The following BRAT1 variants were observed in gnomAD, a reference collection of about 807,000 sequenced individuals.
BRAT1 encodes integrator complex assembly factor BRAT1.
In BRAT1, 74 loss-of-function variants were observed where a neutral mutation model predicts 70.6. The ratio of observed to expected loss-of-function variants is 1.05; its 90% CI spans 0.87 to 1.27. BRAT1 has a LOEUF of 1.27. Ranked by LOEUF, BRAT1 falls within the 50% of genes most tolerant of loss-of-function variation. The probability of loss-of-function intolerance (pLI) is 0.00; values close to 1 mark genes in which losing one functional copy is unlikely to be tolerated. For missense variants in BRAT1, 1,203 were observed against 1,098.2 expected (o/e 1.10, Z -1.35); for synonymous variants, 615 against 517.1 (o/e 1.19, Z -2.57).
At chr7:2,544,803 C>G in intron 4 of BRAT1, 106 bp downstream of exon 4, 2 of 1,460,068 alleles carry the variant, frequency 1.4e-6, no homozygotes, top group Non-Finnish European at 1.8e-6. Flanking sequence ...TTGCAACAAC[C>G]CTGAGACATC....
At chr7:2,539,470 G>A (rs1778971483) in intron 12 of BRAT1, 74 bp downstream of exon 12, 7 of 1,500,038 alleles carry the variant, frequency 4.7e-6, no homozygotes, top group Non-Finnish European at 5.4e-6. Context: ...GCCAGCAAGA[G>A]GCTGCTGGTG....
intron 2 of BRAT1, among the ~76,000 whole-genome samples, chr7:2,549,174 C>T (rs750820353): frequency 3.9e-5 from 6 of 152,052 alleles, no homozygotes; most frequent in African/African-American, 7.2e-5. Context: ...TTAAAAAATC[C>T]GGTTCTCATG....
At chr7:2,538,926 C>T in intron 13 of BRAT1, 162 bp from the exon 14 acceptor site, 1 of 1,456,994 alleles carries the variant, frequency 6.9e-7, no homozygotes. Context: ...CACGGCCCTC[C>T]AATCCTCAGT....
chr7:2,547,208 C>T lies in BRAT1; in HGVS notation c.282+116G>A, dbSNP rs114936732. 2.1e-3 allele frequency: 2,831 copies of T among 1,336,186 alleles called. 54 individuals are homozygous for T. The African/African-American group carries it at 0.034, about 16-fold the overall frequency. The allele number at this position is 1,336,186 out of a possible 1,614,324, so 82.8% of individuals were successfully genotyped here. On this transcript the variant is annotated intron_variant, in intron 3 of 13. Coordinates refer to ENST00000340611, the MANE Select transcript of BRAT1 (RefSeq NM_152743.4). Reference sequence around the variant, plus strand: ...TGCAGTTCTAGTGAGGACACAGGGTCGGGGCAGGCCGCTGGGACTTGGGAT... The same window carrying T: ...TGCAGTTCTAGTGAGGACACAGGGTTGGGGCAGGCCGCTGGGACTTGGGAT...
At chr7:2,554,494 C>G in intron 1 of BRAT1, 47 bp from the exon 2 acceptor site, 1 of 1,559,554 alleles carries the variant, frequency 6.4e-7, no homozygotes, top group Non-Finnish European at 8.7e-7. Flanking sequence ...ACTCCAGACC[C>G]AGCTCGCTCT....
Position 2,538,044 on chromosome 7 carries a change from C to T in BRAT1, c.*25G>A, listed in dbSNP as rs1251782687. 6.6e-7 allele frequency: 1 copy of T among 1,523,264 alleles called. No homozygotes were observed. Among genetic ancestry groups the T allele is most frequent in the South Asian group, 1.3e-5 (1 of 76,312 alleles). 94.4% of individuals were successfully genotyped at this position (1,523,264 alleles called of 1,614,324 possible). A position where few individuals can be genotyped will look rare whatever the true frequency, so the allele number is the denominator to read the frequency against. ...TGGTGCTGCCTCCCTTGGTCCTGAG[C>T]CCCAGTGGCAGACTCTGGTTCTGCT... On this transcript the variant is annotated 3_prime_UTR_variant, in exon 14 of 14. Transcript: ENST00000340611.
chr7:2,543,973 G>A lies in BRAT1; in HGVS notation c.431-11C>T. On this transcript the variant is annotated splice_polypyrimidine_tract_variant and intron_variant, in intron 4 of 13. Transcript: ENST00000340611. This position sits in a 1 kb window ranked among gnomAD's most constrained non-coding sequence, Gnocchi z 5.5. Reference sequence around the variant, plus strand: ...TGGTGTCGACCGCACCTGGGTAGGGGATGGGGGAAGAGAGGGAAAAGGGGG... The same window carrying A: ...TGGTGTCGACCGCACCTGGGTAGGGAATGGGGGAAGAGAGGGAAAAGGGGG... The A allele has an allele frequency of 2.6e-6, 4 of 1,547,852 alleles. No homozygotes were observed. Among genetic ancestry groups the A allele is most frequent in the Non-Finnish European group, 3.5e-6 (4 of 1,140,712 alleles).
intron 2 of BRAT1, among the ~76,000 whole-genome samples, chr7:2,553,587 G>A (rs1435108697): frequency 6.6e-6 from 1 of 151,662 alleles, no homozygotes; most frequent in Non-Finnish European, 1.5e-5. Context: ...AAATTAAAAC[G>A]TTGATGGTTT....
At position 2,539,614 on chromosome 7, in the gene BRAT1, C is replaced by A. The variant is rs763100774; in HGVS notation, c.1527G>T (p.Leu509=). 1.3e-6 allele frequency: 2 copies of A among 1,594,396 alleles called. No homozygotes were observed. Among genetic ancestry groups the A allele is most frequent in the Admixed American group, 1.7e-5 (1 of 57,734 alleles). The change falls in exon 12 of 14, where the codon CTG becomes CTT. Residue 509 remains leucine (L), a synonymous_variant. Coordinates refer to ENST00000340611, the MANE Select transcript of BRAT1 (RefSeq NM_152743.4). The stretch of plus-strand genomic sequence containing the variant: ...CCCTCACCTCCCAGCAGGGGTGGCA[C>A]AGGCGTTTCTGCAGCACAGGGAACA... ...RELFPVLQKR[L]CHPCWEVRDS...
In BRAT1 at chr7:2,538,559, A is replaced by T. The variant is rs1778872784; in HGVS notation, c.1976T>A (p.Leu659His). The change falls in exon 14 of 14, where the codon CTC becomes CAC. Residue 659 changes from leucine (L) to histidine (H), a missense_variant. Leu to His is a moderately conservative substitution (Grantham distance 99). Transcript: ENST00000340611. Reference sequence around the variant, plus strand: ...CCCCAAAGTCTGGCCCAGGAACACGAGGGCCAGCTCCAGGCCCTGGGCGCG... The same window carrying T: ...CCCCAAAGTCTGGCCCAGGAACACGTGGGCCAGCTCCAGGCCCTGGGCGCG... ...EVRAQGLELA[L>H]VFLGQTLGPP... is the part of the protein sequence containing the mutation. The T allele has an allele frequency of 6.2e-7, 1 of 1,600,498 alleles. No homozygotes were observed. The highest frequency in any genetic ancestry group is 8.5e-7 in the Non-Finnish European group (1 of 1,177,890).
At position 2,541,066 on chromosome 7, in the gene BRAT1, G is replaced by A; in HGVS notation, c.1322-14C>T. ...GCTCCTGGGGGCCTGAGACAGAGGTGAGTGGATAAACCACCCCCACCCCCA... is the reference window on the plus strand; with the variant it reads ...GCTCCTGGGGGCCTGAGACAGAGGTAAGTGGATAAACCACCCCCACCCCCA... On this transcript the variant is annotated splice_polypyrimidine_tract_variant and intron_variant, in intron 9 of 13. Coordinates refer to ENST00000340611, the MANE Select transcript of BRAT1 (RefSeq NM_152743.4). 1.3e-6 allele frequency: 2 copies of A among 1,556,950 alleles called. No individual in the cohort carries two copies. The highest frequency in any genetic ancestry group is 1.7e-6 in the Non-Finnish European group (2 of 1,160,816).
intron 10 of BRAT1, chr7:2,540,671 G>C (rs892891427): frequency 6.6e-5 from 22 of 333,316 alleles, no homozygotes; most frequent in Middle Eastern, 7.9e-4. Context: ...AGAACCCAAA[G>C]CCCACGCCCA....
chr7:2,550,303 C>T (rs1043089311), intron 2 of BRAT1, among the ~76,000 whole-genome samples: 10 of 151,108 alleles, frequency 6.6e-5, no homozygotes, highest in African/African-American at 2.4e-4. Flanking sequence ...CCCGTCACTA[C>T]AAAAAATACA....
rs1229211049 is a variant in BRAT1 at position 2,538,776 on chromosome 7, G to A, written c.1771-12C>T. 6.3e-7 allele frequency: 1 copy of A among 1,597,942 alleles called. No homozygotes were observed. Among genetic ancestry groups the A allele is most frequent in the African/African-American group, 1.3e-5 (1 of 74,940 alleles). Reference sequence around the variant, plus strand: ...TCCAGGAACAGGCTCTGGGGGACAGGGAGCAAGTGCGGATGGTTGGTGGGG... The same window carrying A: ...TCCAGGAACAGGCTCTGGGGGACAGAGAGCAAGTGCGGATGGTTGGTGGGG... On this transcript the variant is annotated splice_polypyrimidine_tract_variant and intron_variant, in intron 13 of 13. Coordinates refer to ENST00000340611, the MANE Select transcript of BRAT1 (RefSeq NM_152743.4).
Position 2,539,321 on chromosome 7 carries a change from G to C in BRAT1, c.1628C>G (p.Ala543Gly). Residue 543 changes from alanine (A) to glycine (G), a missense_variant, in exon 13 of 14, where the codon GCT (alanine) becomes GGT (glycine). Ala to Gly is a moderately conservative substitution (Grantham distance 60). Coordinates refer to ENST00000340611, the MANE Select transcript of BRAT1 (RefSeq NM_152743.4). ...GQADFRCALL[A>G]SEVPQLALQL... ...CAGGGCCAGCTGAGGCACCTCTGAA[G>C]CCAAGAGTGCGCATCTGAAGTCAGC... is the stretch of plus-strand genomic sequence containing the variant. The C allele has an allele frequency of 6.2e-7, 1 of 1,611,588 alleles. No individual in the cohort carries two copies. The highest frequency in any genetic ancestry group is 1.1e-5 in the South Asian group (1 of 91,006).
Position 2,541,762 on chromosome 7 carries a change from G to A in BRAT1, c.1090C>T (p.Leu364Phe). ...LLASKSSCAG[L>F]LCRTLAHLEE... is the part of the protein sequence containing the mutation. ...AGGTGAGCCAGGGTGCGGCACAGGAGGCCGGCGCAGGACGACTTGGAGGCC... is the reference window on the plus strand; with the variant it reads ...AGGTGAGCCAGGGTGCGGCACAGGAAGCCGGCGCAGGACGACTTGGAGGCC... The change falls in exon 8 of 14, where the codon CTC becomes TTC. Residue 364 changes from leucine to phenylalanine, a missense_variant. Leu to Phe is a conservative substitution (Grantham distance 22). Coordinates refer to ENST00000340611, the MANE Select transcript of BRAT1 (RefSeq NM_152743.4). 1 of 1,612,168 alleles carries A rather than the reference G, an allele frequency of 6.2e-7. No individual in the cohort carries two copies. The highest frequency in any genetic ancestry group is 8.5e-7 in the Non-Finnish European group (1 of 1,179,734).
intron 2 of BRAT1, among the ~76,000 whole-genome samples, chr7:2,552,538 C>T (rs1223371503): frequency 6.7e-6 from 1 of 150,172 alleles, no homozygotes; most frequent in Non-Finnish European, 1.5e-5. Context: ...ACAGCTTGGG[C>T]AATACGGTGA....
chr7:2,543,351 T>C lies in BRAT1; in HGVS notation c.804-28A>G. On this transcript the variant is annotated intron_variant, in intron 5 of 13. Transcript: ENST00000340611. This position sits in a 1 kb window ranked among gnomAD's most constrained non-coding sequence, Gnocchi z 5.5. ...GCAGGGAGACCCCAGAGAGAAAAATTACTCCCCCACCCTCAAAACCCCATT... is the reference window on the plus strand; with the variant it reads ...GCAGGGAGACCCCAGAGAGAAAAATCACTCCCCCACCCTCAAAACCCCATT... 6.4e-6 allele frequency: 10 copies of C among 1,552,744 alleles called. No homozygotes were observed. The highest frequency in any genetic ancestry group is 8.7e-6 in the Non-Finnish European group (10 of 1,149,342).
At chr7:2,545,710 G>A (rs534504093) in intron 3 of BRAT1, among the ~76,000 whole-genome samples, 2 of 152,082 alleles carry the variant, frequency 1.3e-5, no homozygotes, top group South Asian at 2.1e-4. Context: ...GCCTGGTCTC[G>A]AACTCCTGAC....
Sources: gnomAD v4.1 joint callset for allele counts (sites outside exome capture counted in the v4.1 genomes callset) on GRCh38, gnomAD v4.1.1 for gene constraint, Gnocchi (gnomAD v3.1) non-coding constraint, MANE v1.5 for transcripts, NCBI Gene and HGNC (gene_info 2026-07-23, HGNC 2026-07-21) for gene names.